Variants in RALY observed in about 807,000 individuals in gnomAD.
RALY encodes the protein RNA-binding protein Raly.
Under a neutral mutation model 30.7 loss-of-function variants are expected in RALY, and 15 were observed. The ratio of observed to expected loss-of-function variants is 0.49; its 90% CI spans 0.33 to 0.75. The LOEUF is 0.75. Among genes scored for constraint, RALY ranks in the 30% least tolerant of loss-of-function variants. The pLI is 0.02. For synonymous variants in RALY, 177 were observed against 170.8 expected (o/e 1.04, Z -0.28); for missense variants, 339 against 414.3 (o/e 0.82, Z 1.58).
chr20:34,029,253 C>G (rs1358088416), intron 1 of RALY, among the ~76,000 whole-genome samples: 1 of 152,048 alleles, frequency 6.6e-6, no homozygotes, highest in South Asian at 2.1e-4. Flanking sequence ...GCCTGACTAA[C>G]ATGAAGAAAC....
At chr20:34,057,761 AAAGAATGGTAAT>A (rs568310723) in intron 2 of RALY, among the ~76,000 whole-genome samples, 1 of 152,080 alleles carries the variant, frequency 6.6e-6, no homozygotes, top group African/African-American at 2.4e-5. Context: ...AGGATTATTT[AAAGAATGGTAAT>A]AAGAATGGAG....
intron 1 of RALY, among the ~76,000 whole-genome samples, chr20:34,010,419 A>G (rs986015761): frequency 2.6e-5 from 4 of 152,002 alleles, no homozygotes; most frequent in African/African-American, 9.7e-5. Flanking sequence ...TTTTGTAGGG[A>G]TAGGGTCTTG....
intron 1 of RALY, among the ~76,000 whole-genome samples, chr20:34,023,111 G>T (rs1329356043): frequency 1.3e-5 from 2 of 152,154 alleles, no homozygotes; most frequent in East Asian, 3.9e-4. Flanking sequence ...TTTTGGCCCT[G>T]GGAATCCAAG....
At chr20:34,021,467 T>A (rs1466416188) in intron 1 of RALY, among the ~76,000 whole-genome samples, 1 of 152,192 alleles carries the variant, frequency 6.6e-6, no homozygotes, top group Non-Finnish European at 1.5e-5. Flanking sequence ...GTGGGAGGGC[T>A]GAACTCACTT....
intron 2 of RALY, among the ~76,000 whole-genome samples, chr20:34,041,767 C>G (rs1432404799): frequency 6.6e-6 from 1 of 152,192 alleles, no homozygotes; most frequent in African/African-American, 2.4e-5. Context: ...TGACAATCAT[C>G]AAGTTTACAT....
intron 2 of RALY, among the ~76,000 whole-genome samples, chr20:34,047,472 T>C (rs13433204): frequency 0.011 from 1,626 of 152,308 alleles, 33 homozygotes; most frequent in African/African-American, 0.037. Context: ...CACTCTTGCA[T>C]GTGCCCGGGC....
At chr20:34,065,953 G>T (rs950049697) in intron 2 of RALY, among the ~76,000 whole-genome samples, 5 of 152,150 alleles carry the variant, frequency 3.3e-5, no homozygotes, top group African/African-American at 1.2e-4. Context: ...GTGCTGGGGA[G>T]GATTTACAGA....
intron 2 of RALY, among the ~76,000 whole-genome samples, chr20:34,038,286 G>A (rs968372272): frequency 2.0e-5 from 3 of 152,202 alleles, no homozygotes; most frequent in African/African-American, 4.8e-5. Flanking sequence ...GGCTGTGGCA[G>A]TGAGACAGGG....
intron 1 of RALY, among the ~76,000 whole-genome samples, chr20:34,009,483 G>A (rs148812410): frequency 2.0e-5 from 3 of 151,956 alleles, no homozygotes; most frequent in Non-Finnish European, 4.4e-5. Flanking sequence ...TGATCTGCCC[G>A]CTTCAGCCTC....
At chr20:34,047,745 G>A (rs2032932360) in intron 2 of RALY, among the ~76,000 whole-genome samples, 1 of 152,126 alleles carries the variant, frequency 6.6e-6, no homozygotes, top group Admixed American at 6.5e-5. Flanking sequence ...GAGGTTGTGA[G>A]GATTTAAAAT....
Position 33,994,141 on chromosome 20 carries a change from G to A in RALY, c.-93+10G>A, listed in dbSNP as rs1434531028. 1 of 152,344 alleles carries A rather than the reference G, an allele frequency of 6.6e-6. No individual in the cohort carries two copies. Among genetic ancestry groups the A allele is most frequent in the African/African-American group, 2.4e-5 (1 of 41,460 alleles). The allele number at this position is 152,344 out of a possible 1,614,324, so 9.4% of individuals were successfully genotyped here. A position where few individuals can be genotyped will look rare whatever the true frequency, so the allele number is the denominator to read the frequency against. ...AGACCTCTCGGCGCGGGTGAGTGGG[G>A]ACTGCGGGCGTCTCCTTAGGGGTGC... On this transcript the variant is annotated intron_variant, in intron 1 of 9. Transcript: ENST00000246194.
chr20:34,015,646 T>C (rs2031577707), intron 1 of RALY, among the ~76,000 whole-genome samples: 1 of 152,158 alleles, frequency 6.6e-6, no homozygotes, highest in Admixed American at 6.5e-5. Flanking sequence ...TTTTTCGTAG[T>C]TGTCAAAATG....
At chr20:34,055,702 C>T (rs2033221349) in intron 2 of RALY, among the ~76,000 whole-genome samples, 1 of 152,216 alleles carries the variant, frequency 6.6e-6, no homozygotes, top group Non-Finnish European at 1.5e-5. Flanking sequence ...CCCAACGGCT[C>T]ATACCACAAC....
At chr20:34,068,022 C>T (rs993705439) in intron 2 of RALY, among the ~76,000 whole-genome samples, 4 of 152,110 alleles carry the variant, frequency 2.6e-5, no homozygotes, top group African/African-American at 9.7e-5. Flanking sequence ...CTCTTCTGTT[C>T]TTCCGAGTAA....
chr20:34,015,894 A>C (rs1023212035), intron 1 of RALY, among the ~76,000 whole-genome samples: 2 of 152,050 alleles, frequency 1.3e-5, no homozygotes, highest in Admixed American at 6.5e-5. Flanking sequence ...CCTCTCTTCT[A>C]TACACAAAGT....
chr20:33,997,146 C>T (rs948632125), intron 1 of RALY, among the ~76,000 whole-genome samples: 2 of 152,106 alleles, frequency 1.3e-5, no homozygotes, highest in African/African-American at 2.4e-5. Context: ...GACGGAGTCT[C>T]ACTCCGTCGC....
chr20:34,078,475 G>A, intron 8 of RALY, 30 bp from the exon 9 acceptor site: 1 of 1,547,386 alleles, frequency 6.5e-7, no homozygotes, highest in South Asian at 1.2e-5. Context: ...AATGAGTGAT[G>A]TGTGGTCTCT....
chr20:34,004,225 G>A (rs1344954293), intron 1 of RALY, among the ~76,000 whole-genome samples: 2 of 152,222 alleles, frequency 1.3e-5, no homozygotes, highest in Non-Finnish European at 2.9e-5. Context: ...GGACCAGTGA[G>A]TATTTGTGCT....
intron 2 of RALY, among the ~76,000 whole-genome samples, chr20:34,035,175 A>AAAAAAAAC (rs2032443780): frequency 2.2e-5 from 3 of 138,792 alleles, no homozygotes; most frequent in Non-Finnish European, 4.6e-5. Context: ...AAAAAAAAAA[A>AAAAAAAAC]AAAAAAAAAA....
Sources: allele counts gnomAD v4.1 joint callset (sites outside exome capture counted in the v4.1 genomes callset), GRCh38; gene constraint gnomAD v4.1.1; transcripts MANE v1.5; gene names NCBI Gene and HGNC (gene_info 2026-07-23, HGNC 2026-07-21).